Variants in ESR1 observed in about 807,000 individuals in gnomAD.
ESR1 encodes the protein estrogen receptor.
ESR1 carries 12 observed loss-of-function variants against 52.7 expected under a neutral mutation model. The ratio of observed to expected loss-of-function variants is 0.23; its 90% CI spans 0.15 to 0.37. ESR1 has a LOEUF of 0.37. Ranked by LOEUF, ESR1 falls within the 10% of genes least tolerant of loss-of-function variation. The pLI is 1.00. For missense variants in ESR1, 584 were observed against 779.7 expected, an observed-to-expected ratio of 0.75 and a Z score of 2.99; for synonymous variants, 305 against 316.8, an observed-to-expected ratio of 0.96 and a Z score of 0.39.
chr6:152,015,522 C>T (rs569739572), intron 5 of ESR1, among the ~76,000 whole-genome samples: 4 of 152,250 alleles, frequency 2.6e-5, no homozygotes, highest in Admixed American at 2.0e-4. Flanking sequence ...AGATCTTGTT[C>T]GTCTTGTGTG....
In ESR1 at chr6:151,993,329, A is replaced by G. The variant is rs1042635252; in HGVS notation, c.1097-18327A>G. ...CCAATGAGACACCCAACGCCTTTGCATTACAGCCAGCAAGGTGTGGAGCTA... is the reference window on the plus strand; with the variant it reads ...CCAATGAGACACCCAACGCCTTTGCGTTACAGCCAGCAAGGTGTGGAGCTA... On this transcript the variant is annotated intron_variant, in intron 4 of 7. Transcript: ENST00000206249. Among the ~76,000 whole-genome samples, 131 of 152,316 alleles carry G rather than the reference A, an allele frequency of 8.6e-4. 6 individuals carry two copies. The highest frequency in any genetic ancestry group is 8.4e-3 in the Admixed American group (129 of 15,290).
chr6:151,879,325 T>G (rs1199411231), intron 2 of ESR1, among the ~76,000 whole-genome samples: 1 of 152,138 alleles, frequency 6.6e-6, no homozygotes, highest in Admixed American at 6.5e-5. Context: ...GATTCATTGG[T>G]AATCCTAGGG....
At chr6:151,852,070 T>G (rs1322582362) in intron 2 of ESR1, among the ~76,000 whole-genome samples, 1 of 151,936 alleles carries the variant, frequency 6.6e-6, no homozygotes, top group Non-Finnish European at 1.5e-5. Context: ...GATAAAAGAG[T>G]TAAAGAGGTT....
intron 1 of ESR1, among the ~76,000 whole-genome samples, chr6:151,667,907 A>G (rs1323568607): frequency 6.6e-6 from 1 of 152,270 alleles, no homozygotes; most frequent in Non-Finnish European, 1.5e-5. Flanking sequence ...CTGTATGTAC[A>G]TATTAATCAG....
At chr6:151,711,665 A>G (rs1780623294) in intron 2 of ESR1, among the ~76,000 whole-genome samples, 1 of 152,118 alleles carries the variant, frequency 6.6e-6, no homozygotes, top group Non-Finnish European at 1.5e-5. Flanking sequence ...TCCTTTGAGA[A>G]GTGTCTGTTC....
At chr6:151,731,220 G>C (rs138009029) in intron 2 of ESR1, among the ~76,000 whole-genome samples, 8 of 152,276 alleles carry the variant, frequency 5.3e-5, no homozygotes, top group Non-Finnish European at 1.2e-4. Flanking sequence ...GCTGGGCGTG[G>C]TGGTGCATGC....
chr6:151,821,693 TA>T (rs1382301314), intron 1 of ESR1, among the ~76,000 whole-genome samples: 1 of 152,208 alleles, frequency 6.6e-6, no homozygotes, highest in East Asian at 1.9e-4. Context: ...TTCACTTTAG[TA>T]TTGACAGAAT....
intron 5 of ESR1, among the ~76,000 whole-genome samples, chr6:152,013,748 T>C (rs763585143): frequency 6.6e-6 from 1 of 152,196 alleles, no homozygotes; most frequent in Non-Finnish European, 1.5e-5. Flanking sequence ...CTCACAGAAG[T>C]ATGAATGACT....
intron 5 of ESR1, among the ~76,000 whole-genome samples, 188 bp from the exon 6 acceptor site, chr6:152,060,803 A>G (rs1210161615): frequency 6.6e-6 from 1 of 152,100 alleles, no homozygotes; most frequent in African/African-American, 2.4e-5. Context: ...ATGGGAAATT[A>G]TTTTTTTGTT....
chr6:152,060,128 A>G lies in ESR1; in HGVS notation c.1236-863A>G, dbSNP rs188913224. Reference sequence around the variant, plus strand: ...AGTATCTCATTTAAATTCTTCAACAACCCAATAAAAAAGATACAGACACAT... The same window carrying G: ...AGTATCTCATTTAAATTCTTCAACAGCCCAATAAAAAAGATACAGACACAT... On this transcript the variant is annotated intron_variant, in intron 5 of 7. Transcript: ENST00000206249. Among the ~76,000 whole-genome samples the G allele has an allele frequency of 2.6e-5, 4 of 152,236 alleles. No individual in the cohort carries two copies. The East Asian group carries it at 7.7e-4, about 29-fold the overall frequency.
chr6:151,748,355 T>A (rs1783639075), intron 2 of ESR1, among the ~76,000 whole-genome samples: 1 of 152,232 alleles, frequency 6.6e-6, no homozygotes, highest in South Asian at 2.1e-4. Context: ...AGTATACTAT[T>A]TTGTATCATT....
At chr6:151,686,712 CCAACCAA>C (rs747835000), upstream of ESR1, among the ~76,000 whole-genome samples, 20,620 of 151,716 alleles carry the variant, frequency 0.14, 2,184 homozygotes, top group East Asian at 0.36. Context: ...AACCAACCAA[CCAACCAA>C]CCAACCAACC....
chr6:151,932,190 T>G (rs1277174877), intron 3 of ESR1, among the ~76,000 whole-genome samples: 1 of 151,946 alleles, frequency 6.6e-6, no homozygotes, highest in Non-Finnish European at 1.5e-5. Flanking sequence ...GATTTGCATT[T>G]CTCTGATGGC....
chr6:151,872,716 G>A (rs536347497), intron 2 of ESR1, among the ~76,000 whole-genome samples: 3 of 152,080 alleles, frequency 2.0e-5, no homozygotes, highest in Non-Finnish European at 4.4e-5. Context: ...CTTTGCTTTG[G>A]TTACAGTAGA....
chr6:152,009,445 T>C (rs1447550977), intron 4 of ESR1, among the ~76,000 whole-genome samples: 2 of 152,114 alleles, frequency 1.3e-5, no homozygotes, highest in Admixed American at 6.6e-5. Flanking sequence ...TATAGCAAAA[T>C]GATCTGTTAA....
At chr6:151,813,432 G>A (rs969783070) in intron 1 of ESR1, 30 of 152,112 alleles carry the variant, frequency 2.0e-4, no homozygotes, top group African/African-American at 6.5e-4. Context: ...CTCAGTTTGG[G>A]TAGGTGGTAT....
upstream of ESR1, among the ~76,000 whole-genome samples, chr6:151,688,612 C>A (rs1051628573): frequency 3.3e-5 from 5 of 151,400 alleles, no homozygotes; most frequent in African/African-American, 9.7e-5. Flanking sequence ...AGGAAAATAG[C>A]TGCATACTAG....
chr6:151,956,853 T>A (rs9478257), intron 4 of ESR1, among the ~76,000 whole-genome samples: 10 of 48,320 alleles, frequency 2.1e-4, no homozygotes, highest in East Asian at 4.2e-4. Flanking sequence ...AATATATATA[T>A]ATATATATAA....
chr6:151,908,477 G>A (rs1001178860), intron 3 of ESR1, among the ~76,000 whole-genome samples: 2 of 152,074 alleles, frequency 1.3e-5, no homozygotes, highest in South Asian at 4.1e-4. Flanking sequence ...TTGTTTCTGG[G>A]GTGTTAATAT....
Sources: allele counts gnomAD v4.1 joint callset (sites outside exome capture counted in the v4.1 genomes callset), GRCh38; gene constraint gnomAD v4.1.1; transcripts MANE v1.5; gene names NCBI Gene and HGNC (gene_info 2026-07-23, HGNC 2026-07-21).